BRD1: variants seen among roughly 807,000 people sequenced by gnomAD.
BRD1 encodes bromodomain containing 1.
BRD1 carries 24 observed loss-of-function variants against 107.7 expected under a neutral mutation model. The ratio of observed to expected loss-of-function variants is 0.22; its 90% CI spans 0.16 to 0.31. The LOEUF (loss-of-function observed/expected upper bound fraction) is 0.31, where lower values mean the gene tolerates loss of function less well. Ranked by LOEUF, BRD1 falls within the 10% of genes least tolerant of loss-of-function variation. The probability of loss-of-function intolerance (pLI) is 1.00; values close to 1 mark genes in which losing one functional copy is unlikely to be tolerated. For synonymous variants in BRD1, 744 were observed against 686.1 expected, an observed-to-expected ratio of 1.08 and a Z score of -1.32; for missense variants, 1,279 against 1,638.6, an observed-to-expected ratio of 0.78 and a Z score of 3.79.
rs2060161036 is a variant in BRD1, at chr22:49,827,683, ACTCTCGGGCAGCGGCTCGCGCGGCGCGGG to A, written c.-230_-202del. Among the ~76,000 whole-genome samples, 2 of 141,392 alleles carry A rather than the reference ACTCTCGGGCAGCGGCTCGCGCGGCGCGGG, an allele frequency of 1.4e-5. No individual in the cohort carries two copies. The allele number at this position is 141,392 out of a possible 152,430, so 92.8% of individuals were successfully genotyped here. A position where few individuals can be genotyped will look rare whatever the true frequency, so the allele number is the denominator to read the frequency against. On this transcript the variant is annotated 5_prime_UTR_variant, in exon 1 of 13. Coordinates refer to ENST00000404760, the MANE Select transcript of BRD1 (RefSeq NM_001304808.3). ...CCGGGCCCGGCAGCGGCGGCCGCGG[ACTCTCGGGCAGCGGCTCGCGCGGCGCGGG>A]CTCGGGCTCGGGGCCCAGCTGGAGG...
rs953257584 is a variant in BRD1, at chr22:49,773,619, T to C, written c.*614A>G. ...TATAAAAATGCATATCAATATACCT[T>C]TGCAAATGTATTTTTCATTATAAAG... On this transcript the variant is annotated 3_prime_UTR_variant, in exon 13 of 13. Transcript: ENST00000404760. 6.6e-6 allele frequency: 1 copy of C among 152,670 alleles called. No individual in the cohort carries two copies. Among genetic ancestry groups the C allele is most frequent in the Non-Finnish European group, 1.5e-5 (1 of 68,056 alleles). 9.5% of individuals were successfully genotyped at this position (152,670 alleles called of 1,614,324 possible). A position where few individuals can be genotyped will look rare whatever the true frequency, so the allele number is the denominator to read the frequency against.
At position 49,783,506 on chromosome 22, in the gene BRD1, G is replaced by C. The variant is rs1190595565; in HGVS notation, c.2857+3884C>G. Among the ~76,000 whole-genome samples, 1 of 152,226 alleles carries C rather than the reference G, an allele frequency of 6.6e-6. No homozygotes were observed. Among genetic ancestry groups the C allele is most frequent in the Non-Finnish European group, 1.5e-5 (1 of 68,048 alleles). Reference sequence around the variant, plus strand: ...ACACAGCACAACGCGCCTGGGCATGGCCGTCACACCCAAACCACCAGTCAC... The same window carrying C: ...ACACAGCACAACGCGCCTGGGCATGCCCGTCACACCCAAACCACCAGTCAC... On this transcript the variant is annotated intron_variant, in intron 8 of 12. Transcript: ENST00000404760. The surrounding 1 kb of genome is among the most constrained non-coding windows in gnomAD (Gnocchi z 4.2).
chr22:49,807,916 T>C (rs533732857), intron 2 of BRD1, among the ~76,000 whole-genome samples: 8 of 152,224 alleles, frequency 5.3e-5, no homozygotes, highest in African/African-American at 1.4e-4. Flanking sequence ...AATACTCAAA[T>C]AGACAATTCT....
intron 3 of BRD1, among the ~76,000 whole-genome samples, chr22:49,802,171 A>G (rs925680431): frequency 1.3e-5 from 2 of 149,496 alleles, no homozygotes; most frequent in East Asian, 2.0e-4. Flanking sequence ...CCTTTCCCCA[A>G]CATCGCGGGG....
chr22:49,808,673 G>C (rs2059791090), intron 2 of BRD1, among the ~76,000 whole-genome samples: 1 of 152,058 alleles, frequency 6.6e-6, no homozygotes, highest in Admixed American at 6.6e-5. Context: ...TGATTAAGAT[G>C]GTACATTTTA....
At chr22:49,789,927 T>C (rs1159682891) in intron 7 of BRD1, among the ~76,000 whole-genome samples, 2 of 152,186 alleles carry the variant, frequency 1.3e-5, no homozygotes, top group African/African-American at 4.8e-5. Flanking sequence ...CTGCAGGGAC[T>C]TCCCTAACCC....
intron 8 of BRD1, 65 bp downstream of exon 8, chr22:49,787,325 A>G: frequency 1.4e-6 from 1 of 710,052 alleles, no homozygotes; most frequent in Non-Finnish European, 2.1e-6. Flanking sequence ...CACACCAATG[A>G]TCCTGAAGGA....
Position 49,778,845 on chromosome 22 carries a change from T to C in BRD1, c.2858-1032A>G, listed in dbSNP as rs532263137. Among the ~76,000 whole-genome samples the C allele has an allele frequency of 7.2e-5, 11 of 152,130 alleles. No homozygotes were observed. The East Asian group carries it at 1.9e-3, about 27-fold the overall frequency. On this transcript the variant is annotated intron_variant, in intron 8 of 12. Coordinates refer to ENST00000404760, the MANE Select transcript of BRD1 (RefSeq NM_001304808.3). Reference sequence around the variant, plus strand: ...CCTGGCTAATTTTTTGTATTTTTAGTAGAGACGGAGTTTCACCGTGTTAGC... The same window carrying C: ...CCTGGCTAATTTTTTGTATTTTTAGCAGAGACGGAGTTTCACCGTGTTAGC...
At chr22:49,802,944 G>A (rs897150628) in intron 3 of BRD1, among the ~76,000 whole-genome samples, 15 of 152,264 alleles carry the variant, frequency 9.9e-5, no homozygotes, top group African/African-American at 2.9e-4. Context: ...CTCACTTGGA[G>A]AGGGGCTGGC....
At position 49,774,203 on chromosome 22, in the gene BRD1, T is replaced by C. The variant is rs1298197173; in HGVS notation, c.*30A>G. 6.2e-6 allele frequency: 10 copies of C among 1,601,594 alleles called. No individual in the cohort carries two copies. Among genetic ancestry groups the C allele is most frequent in the Non-Finnish European group, 7.7e-6 (9 of 1,173,172 alleles). On this transcript the variant is annotated 3_prime_UTR_variant, in exon 13 of 13. Transcript: ENST00000404760. ...AAACATGTACAGCTTATCAACACTATGGACAAGACCCGCGCTGGCGGCCGG... is the reference window on the plus strand; with the variant it reads ...AAACATGTACAGCTTATCAACACTACGGACAAGACCCGCGCTGGCGGCCGG...
Position 49,783,723 on chromosome 22 carries a change from G to A in BRD1, c.2857+3667C>T, listed in dbSNP as rs972494988. 3.9e-5 allele frequency among the ~76,000 whole-genome samples: 6 copies of A among 152,038 alleles called. No homozygotes were observed. Among genetic ancestry groups the A allele is most frequent in the African/African-American group, 9.7e-5 (4 of 41,368 alleles). Reference sequence around the variant, plus strand: ...GGGCGCCAGCACCATTCCCACTGCCGGGCTCTGACTTACAGAGGGGGTGGG... The same window carrying A: ...GGGCGCCAGCACCATTCCCACTGCCAGGCTCTGACTTACAGAGGGGGTGGG... On this transcript the variant is annotated intron_variant, in intron 8 of 12. Coordinates refer to ENST00000404760, the MANE Select transcript of BRD1 (RefSeq NM_001304808.3). This position sits in a 1 kb window ranked among gnomAD's most constrained non-coding sequence, Gnocchi z 4.2.
intron 2 of BRD1, among the ~76,000 whole-genome samples, chr22:49,809,515 T>C (rs2059809268): frequency 6.6e-6 from 1 of 151,636 alleles, no homozygotes; most frequent in African/African-American, 2.4e-5. Flanking sequence ...CACTCCAGCC[T>C]GGGTGACGGA....
chr22:49,781,441 G>A (rs138830), intron 8 of BRD1, among the ~76,000 whole-genome samples: 12,160 of 152,276 alleles, frequency 0.08, 637 homozygotes, highest in Non-Finnish European at 0.11. Context: ...CTGATGGGCC[G>A]TAGTCTCCTC....
At chr22:49,800,015 C>T (rs1024729264) in intron 3 of BRD1, among the ~76,000 whole-genome samples, 2 of 152,188 alleles carry the variant, frequency 1.3e-5, no homozygotes, top group Admixed American at 6.5e-5. Context: ...GCAGGACACG[C>T]GCGCCCTGCC....
chr22:49,798,291 C>T (rs560046927), intron 5 of BRD1, among the ~76,000 whole-genome samples, 174 bp from the exon 6 acceptor site: 3 of 152,366 alleles, frequency 2.0e-5, no homozygotes, highest in East Asian at 3.9e-4. Context: ...GACCCCAGCT[C>T]CTTCAGCTAA....
chr22:49,807,819 T>C (rs1601702020), intron 2 of BRD1, among the ~76,000 whole-genome samples: 1 of 152,120 alleles, frequency 6.6e-6, no homozygotes, highest in African/African-American at 2.4e-5. Context: ...TGGGAGGAAA[T>C]ATTTTCAAAT....
intron 2 of BRD1, among the ~76,000 whole-genome samples, chr22:49,813,212 G>A (rs1370169273): frequency 6.6e-6 from 1 of 152,132 alleles, no homozygotes; most frequent in African/African-American, 2.4e-5. Flanking sequence ...GCAACACAGT[G>A]AGACGCCATC....
chr22:49,814,517 G>C (rs1368005609), intron 2 of BRD1, among the ~76,000 whole-genome samples: 3 of 152,236 alleles, frequency 2.0e-5, no homozygotes, highest in Admixed American at 6.5e-5. Flanking sequence ...CATGGGCAAG[G>C]GCCACATCTG....
chr22:49,811,179 G>A (rs2059842359), intron 2 of BRD1, among the ~76,000 whole-genome samples: 1 of 152,162 alleles, frequency 6.6e-6, no homozygotes, highest in Non-Finnish European at 1.5e-5. Context: ...ACATTTCTAT[G>A]AAATGCCCAC....
Sources: gnomAD v4.1 joint callset for allele counts (sites outside exome capture counted in the v4.1 genomes callset) on GRCh38, gnomAD v4.1.1 for gene constraint, Gnocchi (gnomAD v3.1) non-coding constraint, MANE v1.5 for transcripts, NCBI Gene and HGNC (gene_info 2026-07-23, HGNC 2026-07-21) for gene names.